The following BIN2 variants were observed in gnomAD, a reference collection of about 807,000 sequenced individuals.
The protein encoded by BIN2 is bridging integrator 2.
In BIN2, 43 loss-of-function variants were observed where a neutral mutation model predicts 67.9. That is an observed-to-expected ratio of 0.63 (90% CI 0.50 to 0.82). The LOEUF (loss-of-function observed/expected upper bound fraction) is 0.82, where lower values mean the gene tolerates loss of function less well. Ranked by LOEUF, BIN2 falls within the 40% of genes least tolerant of loss-of-function variation. The probability of loss-of-function intolerance (pLI) is 0.00; values close to 1 mark genes in which losing one functional copy is unlikely to be tolerated. For missense variants in BIN2, 581 were observed against 671.6 expected (o/e 0.87, Z 1.49); for synonymous variants, 244 against 246.8 (o/e 0.99, Z 0.11).
rs917772061 is a variant in BIN2, at chr12:51,288,532, C to CT, written c.1516-345dup. Among the ~76,000 whole-genome samples, 17 of 151,356 alleles carry CT rather than the reference C, an allele frequency of 1.1e-4. No homozygotes were observed. The South Asian group carries it at 1.5e-3, about 13-fold the overall frequency. On this transcript the variant is annotated intron_variant, in intron 10 of 12. Coordinates refer to ENST00000615107, the MANE Select transcript of BIN2 (RefSeq NM_016293.4). Reference sequence around the variant, plus strand: ...TTACTAGATTGTAATTTTATTTATTCTTTTTTTTTGTCTGTCTTCCGCACT... The same window carrying CT: ...TTACTAGATTGTAATTTTATTTATTCTTTTTTTTTTGTCTGTCTTCCGCACT...
chr12:51,318,838 A>G (rs1289357739), intron 1 of BIN2, among the ~76,000 whole-genome samples: 4 of 152,212 alleles, frequency 2.6e-5, no homozygotes, highest in Non-Finnish European at 5.9e-5. Context: ...AAGAGCACTC[A>G]ATAGGTACTC....
chr12:51,292,780 C>CT (rs1314317172), intron 9 of BIN2, among the ~76,000 whole-genome samples: 2 of 152,144 alleles, frequency 1.3e-5, no homozygotes, highest in African/African-American at 2.4e-5. Context: ...CAGATGAAGT[C>CT]TAACAAGGCA....
chr12:51,288,458 C>T (rs1279081688), intron 10 of BIN2, among the ~76,000 whole-genome samples: 1 of 152,122 alleles, frequency 6.6e-6, no homozygotes, highest in Non-Finnish European at 1.5e-5. Flanking sequence ...AACTCAGCTC[C>T]CACTCCCTGT....
At position 51,290,704 on chromosome 12, in the gene BIN2, C is replaced by T. The variant is rs893559407; in HGVS notation, c.1515+887G>A. Among the ~76,000 whole-genome samples the T allele has an allele frequency of 4.0e-5, 6 of 151,874 alleles. No homozygotes were observed. In the East Asian group the frequency reaches 7.9e-4, roughly 20 times the overall value. ...ATCCCAGCACTTTGGGAGGCTGAGG[C>T]GGGTAGATCACAAGGTCAGGAGATC... On this transcript the variant is annotated intron_variant, in intron 10 of 12. Transcript: ENST00000615107.
At chr12:51,296,352 C>T (rs1392884908) in intron 8 of BIN2, among the ~76,000 whole-genome samples, 1 of 151,976 alleles carries the variant, frequency 6.6e-6, no homozygotes, top group East Asian at 1.9e-4. Context: ...AAAAAATTAG[C>T]TGGGCGTGGT....
upstream of BIN2, chr12:51,324,230 C>T: frequency 1.4e-6 from 2 of 1,453,708 alleles, no homozygotes; most frequent in Non-Finnish European, 1.8e-6. Context: ...CTCAGGCCGC[C>T]CCTGGCCAGC....
chr12:51,288,018 C>T (rs1474070110), intron 11 of BIN2, 90 bp downstream of exon 11: 12 of 943,378 alleles, frequency 1.3e-5, no homozygotes, highest in Admixed American at 2.1e-5. Context: ...CTGAAGGCCT[C>T]TGAAAGATAT....
At position 51,281,416 on chromosome 12, in the gene BIN2, C is replaced by T. The variant is rs540928172; in HGVS notation, c.*83G>A. The T allele has an allele frequency of 5.5e-6, 8 of 1,443,072 alleles. No individual in the cohort carries two copies. The highest frequency in any genetic ancestry group is 1.1e-5 in the South Asian group (1 of 87,378). 89.4% of individuals were successfully genotyped at this position (1,443,072 alleles called of 1,614,324 possible). A position where few individuals can be genotyped will look rare whatever the true frequency, so the allele number is the denominator to read the frequency against. On this transcript the variant is annotated 3_prime_UTR_variant, in exon 13 of 13. Coordinates refer to ENST00000615107, the MANE Select transcript of BIN2 (RefSeq NM_016293.4). ...GAGAACCCAGGGATGGATGCTGGCT[C>T]TTATATCCCTCTGACCTATACCCTC...
At chr12:51,287,713 G>A (rs896174948) in intron 11 of BIN2, among the ~76,000 whole-genome samples, 3 of 150,210 alleles carry the variant, frequency 2.0e-5, no homozygotes, top group Non-Finnish European at 4.4e-5. Context: ...GTGCAGTGGC[G>A]CAATCTCGGC....
intron 11 of BIN2, among the ~76,000 whole-genome samples, chr12:51,287,858 A>G (rs933527032): frequency 1.9e-4 from 29 of 150,254 alleles, no homozygotes; most frequent in Non-Finnish European, 3.0e-4. Flanking sequence ...TCACCGTGTT[A>G]GCCAGGATGA....
chr12:51,283,279 AAAAAG>A (rs1271946427), intron 12 of BIN2, among the ~76,000 whole-genome samples: 3 of 143,598 alleles, frequency 2.1e-5, no homozygotes, highest in Non-Finnish European at 4.7e-5. Flanking sequence ...AAAAAAAAAA[AAAAAG>A]TTCTGCTTAT....
At chr12:51,294,037 T>A (rs547814626) in intron 9 of BIN2, among the ~76,000 whole-genome samples, 125 of 152,326 alleles carry the variant, frequency 8.2e-4, no homozygotes, top group Non-Finnish European at 1.3e-4. Flanking sequence ...ATGTAAAACA[T>A]GTTCATCACA....
chr12:51,295,569 A>AG, intron 9 of BIN2, among the ~76,000 whole-genome samples: 1 of 22,754 alleles, frequency 4.4e-5, no homozygotes, highest in African/African-American at 2.3e-4. Flanking sequence ...TCTCAAAAAA[A>AG]AAAAAAAAAT....
In BIN2 at chr12:51,323,944, G is replaced by A. The variant is rs1946359568; in HGVS notation, c.81+78C>T. Reference sequence around the variant, plus strand: ...TTCGGGGCCCCTGAGCACCCTGCCCGCCCCTCCTGCCCGGCCGGGCTCGGC... The same window carrying A: ...TTCGGGGCCCCTGAGCACCCTGCCCACCCCTCCTGCCCGGCCGGGCTCGGC... On this transcript the variant is annotated intron_variant, in intron 1 of 12. Coordinates refer to ENST00000615107, the MANE Select transcript of BIN2 (RefSeq NM_016293.4). The A allele has an allele frequency of 7.7e-6, 12 of 1,565,744 alleles. No homozygotes were observed. In the Admixed American group the frequency reaches 1.3e-4, roughly 17 times the overall value.
chr12:51,309,143 G>A (rs1397830868), intron 2 of BIN2, among the ~76,000 whole-genome samples: 1 of 152,000 alleles, frequency 6.6e-6, no homozygotes, highest in East Asian at 1.9e-4. Context: ...TCAACTTCTG[G>A]AACACTTCAC....
chr12:51,311,805 T>A (rs1946003903), intron 2 of BIN2, among the ~76,000 whole-genome samples: 2 of 152,134 alleles, frequency 1.3e-5, no homozygotes, highest in South Asian at 4.1e-4. Flanking sequence ...AGAGTATCAC[T>A]CTGTCACCCA....
chr12:51,318,648 T>G (rs1404948894), intron 1 of BIN2, among the ~76,000 whole-genome samples: 2 of 152,222 alleles, frequency 1.3e-5, no homozygotes, highest in Admixed American at 1.3e-4. Flanking sequence ...TAGACAGATA[T>G]GGGCTCCTAT....
chr12:51,317,118 C>T (rs993757797), intron 1 of BIN2, among the ~76,000 whole-genome samples: 13 of 151,994 alleles, frequency 8.6e-5, no homozygotes, highest in African/African-American at 2.7e-4. Context: ...TCAGGTGATC[C>T]GCCCGCCTCA....
At chr12:51,302,833 G>A (rs1041604269) in intron 3 of BIN2, 53 bp from the exon 4 acceptor site, 2 of 1,456,480 alleles carry the variant, frequency 1.4e-6, no homozygotes, top group Non-Finnish European at 1.9e-6. Flanking sequence ...AGTAGTTGGT[G>A]TAATCACATG....
Sources: gnomAD v4.1 joint callset for allele counts (sites outside exome capture counted in the v4.1 genomes callset) on GRCh38, gnomAD v4.1.1 for gene constraint, MANE v1.5 for transcripts, NCBI Gene and HGNC (gene_info 2026-07-23, HGNC 2026-07-21) for gene names.